The following NAALADL2 variants were observed in gnomAD, a reference collection of about 807,000 sequenced individuals.
The protein encoded by NAALADL2 is N-acetylated alpha-linked acidic dipeptidase like 2.
A neutral mutation model predicts 87.2 loss-of-function variants in NAALADL2; 76 were observed. The observed-to-expected ratio is 0.87, with a 90% CI of 0.72 to 1.05. The LOEUF (loss-of-function observed/expected upper bound fraction) is 1.05, where lower values mean the gene tolerates loss of function less well. Ranked by LOEUF, NAALADL2 falls within the 50% of genes least tolerant of loss-of-function variation. The pLI is 0.00. For missense variants in NAALADL2, 1,089 were observed against 945.8 expected, an observed-to-expected ratio of 1.15 and a Z score of -1.99; for synonymous variants, 354 against 331.0, an observed-to-expected ratio of 1.07 and a Z score of -0.75.
At chr3:175,800,918 G>A (rs376918970) in intron 13 of NAALADL2, among the ~76,000 whole-genome samples, 1 of 152,116 alleles carries the variant, frequency 6.6e-6, no homozygotes, top group East Asian at 1.9e-4. Context: ...ATCAGAAGCC[G>A]ATTGGACATG....
chr3:174,994,715 A>G (rs1264360327), intron 1 of NAALADL2, among the ~76,000 whole-genome samples: 1 of 152,156 alleles, frequency 6.6e-6, no homozygotes, highest in African/African-American at 2.4e-5. Flanking sequence ...TTCTTCTATA[A>G]AGAAGAAAAT....
chr3:174,502,055 T>C (rs1718932560), intron 1 of NAALADL2, among the ~76,000 whole-genome samples: 2 of 152,128 alleles, frequency 1.3e-5, no homozygotes, highest in Admixed American at 6.5e-5. Context: ...GATTAGTTTT[T>C]TATTTTATAG....
At chr3:175,483,456 G>A (rs1428791457) in intron 9 of NAALADL2, among the ~76,000 whole-genome samples, 1 of 149,518 alleles carries the variant, frequency 6.7e-6, no homozygotes, top group Non-Finnish European at 1.5e-5. Flanking sequence ...TACTTATCAA[G>A]TGCTTGTACC....
At chr3:175,307,050 A>G (rs1360267401) in intron 4 of NAALADL2, among the ~76,000 whole-genome samples, 2 of 152,192 alleles carry the variant, frequency 1.3e-5, no homozygotes, top group African/African-American at 4.8e-5. Context: ...GCCCAATAGT[A>G]TACTCTTAAT....
chr3:175,697,813 G>T (rs1175476662), intron 11 of NAALADL2, among the ~76,000 whole-genome samples: 2 of 133,944 alleles, frequency 1.5e-5, no homozygotes, highest in African/African-American at 2.8e-5. Context: ...ATATATTTAT[G>T]TATGTATACA....
At chr3:175,325,674 A>G (rs1760620918) in intron 5 of NAALADL2, among the ~76,000 whole-genome samples, 2 of 152,214 alleles carry the variant, frequency 1.3e-5, no homozygotes, top group Non-Finnish European at 2.9e-5. Flanking sequence ...ACCATTACTC[A>G]ACATTTTCTT....
intron 5 of NAALADL2, among the ~76,000 whole-genome samples, chr3:175,325,976 A>G (rs1760659317): frequency 6.6e-6 from 1 of 152,182 alleles, no homozygotes; most frequent in Non-Finnish European, 1.5e-5. Context: ...ACAAGGTTGC[A>G]ATTTTCCAAA....
At chr3:174,948,424 G>T (rs145395432) in intron 1 of NAALADL2, among the ~76,000 whole-genome samples, 8 of 152,080 alleles carry the variant, frequency 5.3e-5, no homozygotes, top group Non-Finnish European at 1.5e-5. Context: ...TGATCCACCC[G>T]CCTCGGCCTC....
At chr3:174,832,712 C>T (rs534786064) in intron 3 of NAALADL2, among the ~76,000 whole-genome samples, 38 of 152,190 alleles carry the variant, frequency 2.5e-4, no homozygotes, top group Admixed American at 9.2e-4. Flanking sequence ...GTGATCCGCC[C>T]GCCTCAGCCT....
Position 175,210,574 on chromosome 3 carries a change from G to A in NAALADL2, c.546-23357G>A, listed in dbSNP as rs73881447. On this transcript the variant is annotated intron_variant, in intron 2 of 13. Transcript: ENST00000454872. The stretch of plus-strand genomic sequence containing the variant: ...ATTGTATGTGAAGCTTACATATATT[G>A]TTAATGTGGAATATGGCAAAGGGTG... Among the ~76,000 whole-genome samples, 805 of 151,650 alleles carry A rather than the reference G, an allele frequency of 5.3e-3. 3 individuals carry two copies. The highest frequency in any genetic ancestry group is 0.018 in the African/African-American group (738 of 41,460).
chr3:175,091,514 T>C (rs1359474203), intron 1 of NAALADL2, among the ~76,000 whole-genome samples: 2 of 152,100 alleles, frequency 1.3e-5, no homozygotes, highest in African/African-American at 4.8e-5. Context: ...CTTTTACAAG[T>C]AGGAAAGCCT....
At chr3:174,727,528 T>G (rs907107943) in intron 2 of NAALADL2, among the ~76,000 whole-genome samples, 2 of 152,166 alleles carry the variant, frequency 1.3e-5, no homozygotes, top group African/African-American at 4.8e-5. Context: ...AGTATGTGTG[T>G]TTTAATTTTA....
chr3:175,214,267 T>G (rs1038483758), intron 2 of NAALADL2, among the ~76,000 whole-genome samples: 2 of 152,162 alleles, frequency 1.3e-5, no homozygotes, highest in Non-Finnish European at 1.5e-5. Flanking sequence ...TTGACACACT[T>G]CTTGGAAACC....
chr3:175,404,290 G>C (rs1040830912), intron 5 of NAALADL2, among the ~76,000 whole-genome samples: 1 of 151,978 alleles, frequency 6.6e-6, no homozygotes, highest in African/African-American at 2.4e-5. Flanking sequence ...TGACCTCCCA[G>C]GTCTTCAGGA....
intron 1 of NAALADL2, among the ~76,000 whole-genome samples, chr3:174,896,282 C>A (rs1439168299): frequency 6.6e-6 from 1 of 151,944 alleles, no homozygotes; most frequent in African/African-American, 2.4e-5. Context: ...TTGAAAAAAC[C>A]TAATGACTCC....
chr3:174,916,646 T>C (rs1027507279), intron 1 of NAALADL2, among the ~76,000 whole-genome samples: 1 of 152,032 alleles, frequency 6.6e-6, no homozygotes, highest in African/African-American at 2.4e-5. Flanking sequence ...TCCTCACATA[T>C]AAGTGGGAGC....
At chr3:175,531,403 G>C (rs973431979) in intron 9 of NAALADL2, among the ~76,000 whole-genome samples, 1 of 152,176 alleles carries the variant, frequency 6.6e-6, no homozygotes, top group African/African-American at 2.4e-5. Context: ...CTGAATTTTA[G>C]TCGTATTTAT....
chr3:175,142,361 A>G (rs1386640579), intron 2 of NAALADL2, among the ~76,000 whole-genome samples: 3 of 152,062 alleles, frequency 2.0e-5, no homozygotes, highest in African/African-American at 7.2e-5. Context: ...TTGCTCATCT[A>G]TAGACGTACT....
intron 1 of NAALADL2, among the ~76,000 whole-genome samples, chr3:175,073,945 C>G (rs1716120567): frequency 6.6e-6 from 1 of 151,980 alleles, no homozygotes; most frequent in Non-Finnish European, 1.5e-5. Context: ...CCTATGTATT[C>G]AGGGTTTTTC....
Sources: allele counts gnomAD v4.1 joint callset (sites outside exome capture counted in the v4.1 genomes callset), GRCh38; gene constraint gnomAD v4.1.1; transcripts MANE v1.5; gene names NCBI Gene and HGNC (gene_info 2026-07-23, HGNC 2026-07-21).